The following RANBP10 variants were observed in gnomAD, a reference collection of about 807,000 sequenced individuals.
The protein encoded by RANBP10 is RAN binding protein 10, also known as ran-binding protein 10.
In RANBP10, 24 loss-of-function variants were observed where a neutral mutation model predicts 72.8. The ratio of observed to expected loss-of-function variants is 0.33; its 90% CI spans 0.24 to 0.46. The LOEUF (loss-of-function observed/expected upper bound fraction) is 0.46. RANBP10 is among the 20% of genes least tolerant of loss of function. The pLI is 1.00. For synonymous variants in RANBP10, 310 were observed against 322.3 expected (o/e 0.96, Z 0.41); for missense variants, 679 against 817.5 (o/e 0.83, Z 2.07).
intron 2 of RANBP10, among the ~76,000 whole-genome samples, chr16:67,775,802 A>T (rs2054693885): frequency 6.7e-6 from 1 of 149,634 alleles, no homozygotes. Context: ...AAAAAAAAAA[A>T]AAAAAAAAAA....
At chr16:67,781,431 C>T (rs1445172213) in intron 2 of RANBP10, among the ~76,000 whole-genome samples, 2 of 152,154 alleles carry the variant, frequency 1.3e-5, no homozygotes, top group Non-Finnish European at 1.5e-5. Flanking sequence ...GAGCAGGTGA[C>T]TAGAATAGAT....
At chr16:67,775,140 C>T (rs1329804703) in intron 2 of RANBP10, among the ~76,000 whole-genome samples, 1 of 151,668 alleles carries the variant, frequency 6.6e-6, no homozygotes. Context: ...GGTGAAACAC[C>T]GTCTCTACTA....
intron 4 of RANBP10, 162 bp downstream of exon 4, chr16:67,744,126 C>A: frequency 2.8e-6 from 4 of 1,414,132 alleles, no homozygotes; most frequent in Non-Finnish European, 3.7e-6. Flanking sequence ...AAGGCGTGCC[C>A]CTGCTACCCT....
At chr16:67,795,896 G>A (rs2055123722) in intron 2 of RANBP10, among the ~76,000 whole-genome samples, 1 of 150,010 alleles carries the variant, frequency 6.7e-6, no homozygotes, top group African/African-American at 2.4e-5. Flanking sequence ...TTTTCTATAC[G>A]TAAAATAAAA....
intron 4 of RANBP10, 163 bp downstream of exon 4, chr16:67,744,125 C>T (rs936360608): frequency 1.4e-6 from 2 of 1,410,568 alleles, no homozygotes; most frequent in Non-Finnish European, 9.2e-7. Flanking sequence ...AAAGGCGTGC[C>T]CCTGCTACCC....
chr16:67,764,620 G>C (rs1257745306), intron 3 of RANBP10, among the ~76,000 whole-genome samples: 1 of 152,226 alleles, frequency 6.6e-6, no homozygotes, highest in Non-Finnish European at 1.5e-5. Context: ...CATAGGGCTT[G>C]TCAATCCTGT....
At chr16:67,731,363 G>C in intron 7 of RANBP10, 109 bp downstream of exon 7, 1 of 870,598 alleles carries the variant, frequency 1.1e-6, no homozygotes, top group Non-Finnish European at 1.9e-6. Context: ...CTGGTCATGA[G>C]GACCAGAGCT....
chr16:67,726,365 G>A lies in RANBP10; in HGVS notation c.*63C>T. Reference sequence around the variant, plus strand: ...AGTCCCTGCACCAGTTGCCTATGGAGGGCAGGGCAGCTCCAGCCCTGGGGC... The same window carrying A: ...AGTCCCTGCACCAGTTGCCTATGGAAGGCAGGGCAGCTCCAGCCCTGGGGC... On this transcript the variant is annotated 3_prime_UTR_variant, in exon 14 of 14. Transcript: ENST00000317506. 1 of 1,603,446 alleles carries A rather than the reference G, an allele frequency of 6.2e-7. No individual in the cohort carries two copies. Among genetic ancestry groups the A allele is most frequent in the Non-Finnish European group, 8.5e-7 (1 of 1,175,904 alleles).
intron 3 of RANBP10, among the ~76,000 whole-genome samples, chr16:67,754,836 A>T (rs1408551852): frequency 6.6e-6 from 1 of 152,088 alleles, no homozygotes; most frequent in Non-Finnish European, 1.5e-5. Flanking sequence ...CAGACCTCGG[A>T]CCCTGGTTCC....
At chr16:67,804,577 T>A (rs2055298449) in intron 2 of RANBP10, among the ~76,000 whole-genome samples, 1 of 151,398 alleles carries the variant, frequency 6.6e-6, no homozygotes, top group African/African-American at 2.4e-5. Flanking sequence ...AATTTTTGAA[T>A]TTTTTTTTAG....
intron 2 of RANBP10, among the ~76,000 whole-genome samples, chr16:67,802,174 T>C (rs945239528): frequency 6.6e-6 from 1 of 151,912 alleles, no homozygotes; most frequent in Admixed American, 6.6e-5. Flanking sequence ...GCCTTTGGCC[T>C]CCTCAAAACC....
At chr16:67,800,956 A>G (rs1029330691) in intron 2 of RANBP10, among the ~76,000 whole-genome samples, 2 of 152,198 alleles carry the variant, frequency 1.3e-5, no homozygotes, top group African/African-American at 4.8e-5. Flanking sequence ...TCCTGAGGAC[A>G]AAGCTGATCT....
intron 3 of RANBP10, among the ~76,000 whole-genome samples, chr16:67,769,100 T>C (rs2054558223): frequency 6.6e-6 from 1 of 152,218 alleles, no homozygotes; most frequent in Admixed American, 6.5e-5. Flanking sequence ...CCATGCTTTA[T>C]ATTTTTAATT....
Position 67,729,249 on chromosome 16 carries a change from G to A in RANBP10, c.1352+31C>T. On this transcript the variant is annotated intron_variant, in intron 10 of 13. Transcript: ENST00000317506. The surrounding 1 kb of genome is among the most constrained non-coding windows in gnomAD (Gnocchi z 7.1). ...TGGGCCCAGCTGGCATAAGGCAGAA[G>A]GCAGAGGAGGAAGCAGAGCAAGGCA... 1.2e-6 allele frequency: 2 copies of A among 1,607,772 alleles called. No individual in the cohort carries two copies. The highest frequency in any genetic ancestry group is 1.7e-6 in the Non-Finnish European group (2 of 1,177,264).
intron 2 of RANBP10, among the ~76,000 whole-genome samples, chr16:67,780,089 G>A (rs532103844): frequency 3.3e-5 from 5 of 152,124 alleles, no homozygotes; most frequent in South Asian, 4.2e-4. Flanking sequence ...AAAATTAGCC[G>A]GGCGTGGTGG....
At position 67,756,523 on chromosome 16, in the gene RANBP10, T is replaced by C. The variant is rs569875482; in HGVS notation, c.401-12068A>G. The stretch of plus-strand genomic sequence containing the variant: ...TTCAAGACCAGCCTGGCCAAAATGG[T>C]GAAACCTCGTCTCTACTAAAAATGT... On this transcript the variant is annotated intron_variant, in intron 3 of 13. Coordinates refer to ENST00000317506, the MANE Select transcript of RANBP10 (RefSeq NM_020850.3). 5.6e-4 allele frequency among the ~76,000 whole-genome samples: 85 copies of C among 151,712 alleles called. 1 individual carries two copies. In the East Asian group the frequency reaches 0.012, roughly 21 times the overall value.
intron 3 of RANBP10, among the ~76,000 whole-genome samples, chr16:67,771,352 AT>A (rs899665880): frequency 1.9e-4 from 28 of 148,082 alleles, no homozygotes; most frequent in Admixed American, 2.0e-4. Context: ...TATTTATTTT[AT>A]TTTTTTTTTT....
At chr16:67,737,885 C>T in intron 5 of RANBP10, 128 bp downstream of exon 5, 1 of 1,270,066 alleles carries the variant, frequency 7.9e-7, no homozygotes, top group Non-Finnish European at 1.1e-6. Context: ...CTCAAGCTGA[C>T]AGCATGGCAC....
At chr16:67,758,870 C>T (rs1286771834) in intron 3 of RANBP10, among the ~76,000 whole-genome samples, 2 of 152,218 alleles carry the variant, frequency 1.3e-5, no homozygotes, top group African/African-American at 4.8e-5. Context: ...TGAGCTGCCT[C>T]GCTTGAAAAG....
Sources: gnomAD v4.1 joint callset for allele counts (sites outside exome capture counted in the v4.1 genomes callset) on GRCh38, gnomAD v4.1.1 for gene constraint, Gnocchi (gnomAD v3.1) non-coding constraint, MANE v1.5 for transcripts, NCBI Gene and HGNC (gene_info 2026-07-23, HGNC 2026-07-21) for gene names.